Variants in SORL1 observed in about 807,000 individuals in gnomAD.
SORL1 encodes the protein sortilin related receptor 1.
Under a neutral mutation model 273.7 loss-of-function variants are expected in SORL1, and 127 were observed. The ratio of observed to expected loss-of-function variants is 0.46; its 90% CI spans 0.40 to 0.54. The LOEUF (loss-of-function observed/expected upper bound fraction) is 0.54. Among genes scored for constraint, SORL1 ranks in the 20% least tolerant of loss-of-function variants. The probability of loss-of-function intolerance (pLI) is 0.00; values close to 1 mark genes in which losing one functional copy is unlikely to be tolerated. For missense variants in SORL1, 2,494 were observed against 2,846.1 expected (o/e 0.88, Z 2.81); for synonymous variants, 1,031 against 1,067.4 (o/e 0.97, Z 0.66).
chr11:121,621,219 C>T lies in SORL1; in HGVS notation c.6045C>T (p.Ser2015=). The T allele has an allele frequency of 1.9e-6, 3 of 1,613,972 alleles. No homozygotes were observed. The highest frequency in any genetic ancestry group is 3.3e-4 in the Middle Eastern group (2 of 6,062). The change falls in exon 44 of 48, where the codon TCC becomes TCT. Residue 2015 remains serine, a synonymous_variant. Coordinates refer to ENST00000260197, the MANE Select transcript of SORL1 (RefSeq NM_003105.6). ...AACTGGGGAACATGAGCAAAGATTC[C>T]AGCATAAAAATTACCACAGGTAAGC... is the stretch of plus-strand genomic sequence containing the variant. ...IVQLGNMSKD[S]SIKITTVSLS...
At chr11:121,610,134 C>T (rs535827889) in intron 38 of SORL1, 2 of 152,356 alleles carry the variant, frequency 1.3e-5, no homozygotes, top group East Asian at 1.9e-4. Flanking sequence ...ATCTTATCTG[C>T]TCCTTTGAGT....
Position 121,627,273 on chromosome 11 carries a change from C to A in SORL1, c.6365-282C>A, listed in dbSNP as rs1863810078. On this transcript the variant is annotated intron_variant, in intron 46 of 47. Transcript: ENST00000260197. The surrounding 1 kb of genome is among the most constrained non-coding windows in gnomAD (Gnocchi z 4.9). ...TCAATGTTGATACCCCAACAAAGGT[C>A]TCCCTTCCAAGAGATTATCTAAATA... 1 of 424,978 alleles carries A rather than the reference C, an allele frequency of 2.4e-6. No homozygotes were observed. Among genetic ancestry groups the A allele is most frequent in the South Asian group, 3.2e-5 (1 of 31,168 alleles). The allele number at this position is 424,978 out of a possible 1,614,324, so 26.3% of individuals were successfully genotyped here.
intron 12 of SORL1, among the ~76,000 whole-genome samples, chr11:121,542,917 ACTGTAAT>A (rs1862368272): frequency 6.6e-6 from 1 of 151,016 alleles, no homozygotes. Context: ...GTGGCTCATG[ACTGTAAT>A]CCCAGCACTT....
chr11:121,625,950 G>C (rs1378444097), intron 46 of SORL1, among the ~76,000 whole-genome samples: 2 of 152,200 alleles, frequency 1.3e-5, no homozygotes, highest in African/African-American at 4.8e-5. Context: ...TCTTGTGTTA[G>C]AGTTGTTAAA....
intron 5 of SORL1, among the ~76,000 whole-genome samples, chr11:121,496,429 C>T (rs1348814400): frequency 6.6e-6 from 1 of 152,172 alleles, no homozygotes; most frequent in African/African-American, 2.4e-5. Flanking sequence ...AAGGATCAGG[C>T]TCAGAGGTTC....
intron 45 of SORL1, 54 bp from the exon 46 acceptor site, chr11:121,625,031 G>A: frequency 7.6e-7 from 1 of 1,313,492 alleles, no homozygotes; most frequent in Non-Finnish European, 1.1e-6. Context: ...CAGTAATAGA[G>A]GCTGTCAGTT....
chr11:121,491,296 G>A (rs1425235089), intron 5 of SORL1, among the ~76,000 whole-genome samples: 3 of 152,128 alleles, frequency 2.0e-5, no homozygotes, highest in Non-Finnish European at 4.4e-5. Flanking sequence ...TAAACAGGCT[G>A]TACTTCAAGA....
intron 35 of SORL1, 45 bp from the exon 36 acceptor site, chr11:121,606,800 C>T (rs372682520): frequency 1.0e-5 from 13 of 1,295,406 alleles, no homozygotes; most frequent in Admixed American, 7.0e-5. Context: ...CTCTGGTTGG[C>T]TGCTATGCAG....
chr11:121,568,785 G>C (rs1429095775), intron 22 of SORL1, among the ~76,000 whole-genome samples: 1 of 152,160 alleles, frequency 6.6e-6, no homozygotes, highest in African/African-American at 2.4e-5. Flanking sequence ...TGGTATTGTG[G>C]TTATCCTTCT....
At position 121,631,951 on chromosome 11, in the gene SORL1, C is replaced by T. The variant is rs747302208; in HGVS notation, c.*2388C>T. The T allele has an allele frequency of 6.6e-6, 1 of 152,140 alleles. No individual in the cohort carries two copies. Among genetic ancestry groups the T allele is most frequent in the Non-Finnish European group, 1.5e-5 (1 of 68,034 alleles). 9.4% of individuals were successfully genotyped at this position (152,140 alleles called of 1,614,324 possible). On this transcript the variant is annotated 3_prime_UTR_variant, in exon 48 of 48. Coordinates refer to ENST00000260197, the MANE Select transcript of SORL1 (RefSeq NM_003105.6). Reference sequence around the variant, plus strand: ...TTTGTGGGGATTTCATGTATATATGCTGTCTGAAAGAATCCAGAGGTTGGA... The same window carrying T: ...TTTGTGGGGATTTCATGTATATATGTTGTCTGAAAGAATCCAGAGGTTGGA...
At chr11:121,492,879 C>G (rs769907854) in intron 5 of SORL1, among the ~76,000 whole-genome samples, 5 of 150,724 alleles carry the variant, frequency 3.3e-5, no homozygotes, top group African/African-American at 7.3e-5. Flanking sequence ...TCTTGGCTCA[C>G]TGCAACCTCC....
chr11:121,513,045 G>T lies in SORL1; in HGVS notation c.982G>T (p.Val328Phe). ...ACAGCAGTCTTCTGTCCAGCTCTGG[G>T]TCTCCTTTGGCCGGAAGCCCATGAG... is the stretch of plus-strand genomic sequence containing the variant. ...SEQQSSVQLW[V>F]SFGRKPMRAA... The change falls in exon 7 of 48, where the codon GTC (valine) becomes TTC (phenylalanine). Residue 328 changes from valine to phenylalanine, a missense_variant. Coordinates refer to ENST00000260197, the MANE Select transcript of SORL1 (RefSeq NM_003105.6). 6.2e-7 allele frequency: 1 copy of T among 1,614,144 alleles called. No homozygotes were observed. Among genetic ancestry groups the T allele is most frequent in the Non-Finnish European group, 8.5e-7 (1 of 1,180,014 alleles).
intron 35 of SORL1, among the ~76,000 whole-genome samples, chr11:121,606,551 C>T (rs1863475720): frequency 6.6e-6 from 1 of 152,186 alleles, no homozygotes; most frequent in Admixed American, 6.5e-5. Context: ...ATGGAAGTCT[C>T]AGGGTCAGTG....
intron 12 of SORL1, among the ~76,000 whole-genome samples, chr11:121,542,897 G>A (rs1862367753): frequency 6.6e-6 from 1 of 150,848 alleles, no homozygotes; most frequent in Non-Finnish European, 1.5e-5. Flanking sequence ...AAAATTGGGG[G>A]CCAGACACGG....
In SORL1 at chr11:121,579,366, C is replaced by T. The variant is rs557175147; in HGVS notation, c.3580+1966C>T. Among the ~76,000 whole-genome samples the T allele has an allele frequency of 2.8e-4, 43 of 152,320 alleles. No individual in the cohort carries two copies. The South Asian group carries it at 8.3e-3, about 29-fold the overall frequency. ...TTTTCAGACCTACTAAATTAAGCTG[C>T]GTACAGTGCCAAAAGAAATAGGTCA... On this transcript the variant is annotated intron_variant, in intron 25 of 47. Coordinates refer to ENST00000260197, the MANE Select transcript of SORL1 (RefSeq NM_003105.6).
At position 121,613,157 on chromosome 11, in the gene SORL1, T is replaced by A. The variant is rs115948241; in HGVS notation, c.5419+325T>A. ...ATTTCCAAAAGAAAGAGTTCTTAGA[T>A]ATAGACAGTTACCTGTCTGTCCTTT... On this transcript the variant is annotated intron_variant, in intron 40 of 47. Transcript: ENST00000260197. 3.2e-3 allele frequency among the ~76,000 whole-genome samples: 495 copies of A among 152,316 alleles called. 1 individual carries two copies. Among genetic ancestry groups the A allele is most frequent in the African/African-American group, 0.011 (464 of 41,546 alleles).
intron 12 of SORL1, 117 bp downstream of exon 12, chr11:121,532,669 C>A: frequency 2.5e-6 from 2 of 814,144 alleles, no homozygotes; most frequent in Non-Finnish European, 4.0e-6. Flanking sequence ...AATTTGTGAT[C>A]TCTGGATATG....
rs552607432 is a variant in SORL1 at position 121,622,717 on chromosome 11, G to A, written c.6171+449G>A. Among the ~76,000 whole-genome samples, 127 of 152,338 alleles carry A rather than the reference G, an allele frequency of 8.3e-4. 1 individual carries two copies. The highest frequency in any genetic ancestry group is 2.6e-3 in the Admixed American group (40 of 15,302). ...CCCAGATAAATTACAGGGAGCAGGA[G>A]GCACTTGAAGATACTGTGCTAACTT... On this transcript the variant is annotated intron_variant, in intron 45 of 47. Coordinates refer to ENST00000260197, the MANE Select transcript of SORL1 (RefSeq NM_003105.6).
intron 8 of SORL1, among the ~76,000 whole-genome samples, chr11:121,520,060 C>T (rs936850377): frequency 1.3e-5 from 2 of 152,040 alleles, no homozygotes; most frequent in African/African-American, 2.4e-5. Context: ...AGACCAGCCT[C>T]GGCAACATGG....
Sources: gnomAD v4.1 joint callset for allele counts (sites outside exome capture counted in the v4.1 genomes callset) on GRCh38, gnomAD v4.1.1 for gene constraint, Gnocchi (gnomAD v3.1) non-coding constraint, MANE v1.5 for transcripts, NCBI Gene and HGNC (gene_info 2026-07-23, HGNC 2026-07-21) for gene names.